The following TGFA variants were observed in gnomAD, a reference collection of about 807,000 sequenced individuals.
The protein encoded by TGFA is transforming growth factor alpha.
TGFA carries 12 observed loss-of-function variants against 21.7 expected under a neutral mutation model. The observed-to-expected ratio is 0.55, with a 90% CI of 0.35 to 0.90. The LOEUF is 0.90. Among genes scored for constraint, TGFA ranks in the 40% least tolerant of loss-of-function variants. The pLI, the probability that TGFA is intolerant of heterozygous loss-of-function variation, is 0.01. For missense variants in TGFA, 178 were observed against 210.8 expected, an observed-to-expected ratio of 0.84 and a Z score of 0.96; for synonymous variants, 79 against 88.1, an observed-to-expected ratio of 0.90 and a Z score of 0.58.
chr2:70,483,452 A>C (rs1417910459), intron 2 of TGFA, among the ~76,000 whole-genome samples: 2 of 152,182 alleles, frequency 1.3e-5, no homozygotes, highest in Non-Finnish European at 2.9e-5. Flanking sequence ...CATTGAAGTA[A>C]AATTCATCTG....
intron 2 of TGFA, among the ~76,000 whole-genome samples, chr2:70,489,457 A>C (rs1354374092): frequency 2.0e-5 from 3 of 152,234 alleles, no homozygotes; most frequent in Non-Finnish European, 4.4e-5. Context: ...TGGGCAGAGA[A>C]TCACACGGTT....
At chr2:70,534,350 ACT>A (rs1326610316) in intron 1 of TGFA, among the ~76,000 whole-genome samples, 13 of 151,324 alleles carry the variant, frequency 8.6e-5, no homozygotes, top group African/African-American at 3.2e-4. Flanking sequence ...AGTGTTAAAG[ACT>A]CTGCAGCCTT....
At chr2:70,454,040 G>C (rs1670143487) in intron 4 of TGFA, among the ~76,000 whole-genome samples, 1 of 151,138 alleles carries the variant, frequency 6.6e-6, no homozygotes, top group African/African-American at 2.4e-5. Context: ...AGAAAAGAAA[G>C]CACTGAGTGA....
At chr2:70,523,494 T>A (rs142929835) in intron 1 of TGFA, among the ~76,000 whole-genome samples, 2 of 152,198 alleles carry the variant, frequency 1.3e-5, no homozygotes, top group African/African-American at 2.4e-5. Context: ...CCGGGTCTCT[T>A]ACAAACACTA....
intron 1 of TGFA, among the ~76,000 whole-genome samples, chr2:70,537,026 T>C (rs529569343): frequency 6.6e-6 from 1 of 151,578 alleles, no homozygotes; most frequent in African/African-American, 2.4e-5. Flanking sequence ...AATTTAAAGT[T>C]TGTGGCATCT....
intron 2 of TGFA, among the ~76,000 whole-genome samples, chr2:70,480,059 T>G (rs1441996579): frequency 7.2e-6 from 1 of 138,274 alleles, no homozygotes; most frequent in Admixed American, 6.9e-5. Context: ...TTCAATATTT[T>G]GGGGCTAGAT....
intron 2 of TGFA, among the ~76,000 whole-genome samples, chr2:70,467,178 A>G (rs543779989): frequency 1.3e-5 from 2 of 152,328 alleles, no homozygotes; most frequent in African/African-American, 4.8e-5. Flanking sequence ...CATCCTGCAC[A>G]TGTACCCTGG....
At chr2:70,521,521 C>G (rs1672458710) in intron 1 of TGFA, among the ~76,000 whole-genome samples, 1 of 150,916 alleles carries the variant, frequency 6.6e-6, no homozygotes, top group South Asian at 2.1e-4. Flanking sequence ...AAACGAGAGA[C>G]ACATGAGAAA....
At chr2:70,464,940 C>A (rs1670506156) in intron 3 of TGFA, among the ~76,000 whole-genome samples, 1 of 152,166 alleles carries the variant, frequency 6.6e-6, no homozygotes, top group African/African-American at 2.4e-5. Context: ...AATTTCTTCC[C>A]CAACCTGGCT....
chr2:70,530,226 A>G (rs11466212), intron 1 of TGFA, among the ~76,000 whole-genome samples: 14,482 of 152,318 alleles, frequency 0.095, 981 homozygotes, highest in Admixed American at 0.21. Flanking sequence ...TCAGACCTAC[A>G]TGAGTAAATC....
Position 70,448,971 on chromosome 2 carries a change from T to C in TGFA, c.*1888A>G, listed in dbSNP as rs1207895356. 6.6e-6 allele frequency: 1 copy of C among 152,224 alleles called. No individual in the cohort carries two copies. The highest frequency in any genetic ancestry group is 1.5e-5 in the Non-Finnish European group (1 of 68,042). 9.4% of individuals were successfully genotyped at this position (152,224 alleles called of 1,614,324 possible). A position where few individuals can be genotyped will look rare whatever the true frequency, so the allele number is the denominator to read the frequency against. On this transcript the variant is annotated 3_prime_UTR_variant, in exon 6 of 6. Transcript: ENST00000295400. ...AGGTCTAAAAACCAGTGTCCGTTGA[T>C]TGGTCTCTAAGCAGGATGCTACAGT...
chr2:70,459,176 C>T (rs975876753), intron 3 of TGFA, among the ~76,000 whole-genome samples: 1 of 152,166 alleles, frequency 6.6e-6, no homozygotes, highest in East Asian at 1.9e-4. Context: ...TCTAGCACCT[C>T]ACCTATTATT....
chr2:70,528,662 C>CA (rs1183471292), intron 1 of TGFA, among the ~76,000 whole-genome samples: 4 of 152,054 alleles, frequency 2.6e-5, no homozygotes, highest in East Asian at 3.9e-4. Context: ...TGGTTTCCCA[C>CA]AAAAAAGATG....
Position 70,520,901 on chromosome 2 carries a change from A to C in TGFA, c.41-5989T>G, listed in dbSNP as rs74997352. Among the ~76,000 whole-genome samples the C allele has an allele frequency of 4.6e-5, 7 of 152,160 alleles. No individual in the cohort carries two copies. In the East Asian group the frequency reaches 1.4e-3, roughly 29 times the overall value. The stretch of plus-strand genomic sequence containing the variant: ...TCTTCCTTGGTTCTGGGCGGGACTG[A>C]TAACTAGGCAGTCATTGTCAGCCCT... On this transcript the variant is annotated intron_variant, in intron 1 of 5. Transcript: ENST00000295400.
At chr2:70,506,385 C>G (rs1559125237) in intron 2 of TGFA, among the ~76,000 whole-genome samples, 1 of 152,156 alleles carries the variant, frequency 6.6e-6, no homozygotes, top group Non-Finnish European at 1.5e-5. Flanking sequence ...TCTTCCCATC[C>G]AACTGTAATA....
intron 1 of TGFA, among the ~76,000 whole-genome samples, chr2:70,533,737 C>G (rs1243475316): frequency 6.6e-6 from 1 of 152,116 alleles, no homozygotes; most frequent in Non-Finnish European, 1.5e-5. Flanking sequence ...GGGGTGGGCC[C>G]TGCAGTAGAT....
At chr2:70,455,195 T>A (rs1282476476) in intron 4 of TGFA, among the ~76,000 whole-genome samples, 1 of 152,032 alleles carries the variant, frequency 6.6e-6, no homozygotes, top group African/African-American at 2.4e-5. Context: ...ACCTCAAACC[T>A]CACCACTCAG....
chr2:70,514,984 G>C (rs1469591300), intron 1 of TGFA, 72 bp from the exon 2 acceptor site: 2 of 1,455,836 alleles, frequency 1.4e-6, no homozygotes, highest in Non-Finnish European at 9.5e-7. Context: ...CGCTTAGAGG[G>C]CAGGCCCTTT....
At chr2:70,550,664 T>C (rs574102664) in intron 1 of TGFA, among the ~76,000 whole-genome samples, 178 of 151,670 alleles carry the variant, frequency 1.2e-3, no homozygotes, top group African/African-American at 4.2e-3. Context: ...ACTAAAAATA[T>C]ATTTAAAAAA....
Sources: gnomAD v4.1 joint callset for allele counts (sites outside exome capture counted in the v4.1 genomes callset) on GRCh38, gnomAD v4.1.1 for gene constraint, MANE v1.5 for transcripts, NCBI Gene and HGNC (gene_info 2026-07-23, HGNC 2026-07-21) for gene names.